The following ELFN2 variants were observed in gnomAD, a reference collection of about 807,000 sequenced individuals.
The protein encoded by ELFN2 is protein phosphatase 1 regulatory subunit 29.
A neutral mutation model predicts 45.5 loss-of-function variants in ELFN2; 17 were observed. That is an observed-to-expected ratio of 0.37 (90% CI 0.26 to 0.56). ELFN2 has a LOEUF of 0.56. Among genes scored for constraint, ELFN2 ranks in the 20% least tolerant of loss-of-function variants. ELFN2 has a pLI of 0.77. For synonymous variants in ELFN2, 550 were observed against 551.5 expected (o/e 1.00, Z 0.04); for missense variants, 922 against 1,183.2 (o/e 0.78, Z 3.24).
At chr22:37,397,588 C>T (rs1326212717) in intron 2 of ELFN2, among the ~76,000 whole-genome samples, 2 of 152,172 alleles carry the variant, frequency 1.3e-5, no homozygotes, top group East Asian at 1.9e-4. Flanking sequence ...CTGGAAGCCT[C>T]GCCTAGACCC....
chr22:37,374,188 G>A lies in ELFN2; in HGVS notation c.1347C>T (p.Ala449=), dbSNP rs755815695. The A allele has an allele frequency of 1.5e-5, 25 of 1,613,334 alleles. No individual in the cohort carries two copies. Among genetic ancestry groups the A allele is most frequent in the Middle Eastern group, 1.6e-4 (1 of 6,084 alleles). The part of the protein sequence containing the change: ...LEMRYGADVD[A]GSIVHAAQKL... ...TCTGGGCGGCGTGCACAATGGAGCCGGCATCCACATCAGCCCCGTAGCGCA... is the reference window on the plus strand; with the variant it reads ...TCTGGGCGGCGTGCACAATGGAGCCAGCATCCACATCAGCCCCGTAGCGCA... The change falls in exon 3 of 3, where the codon GCC becomes GCT. Residue 449 remains alanine (A), a synonymous_variant. Coordinates refer to ENST00000402918, the MANE Select transcript of ELFN2 (RefSeq NM_052906.5).
chr22:37,373,579 G>A lies in ELFN2; in HGVS notation c.1956C>T (p.Ala652=), dbSNP rs530354480. Residue 652 remains alanine, a synonymous_variant, in exon 3 of 3, where the codon GCC becomes GCT. Coordinates refer to ENST00000402918, the MANE Select transcript of ELFN2 (RefSeq NM_052906.5). ...AGTCGCCCTTAGCCAGCCCTGTGGC[G>A]GCCGGATGGTCGGGCACGTCCAGGC... ...VFSLDVPDHP[A]ATGLAKGDSK... is the part of the protein sequence containing the mutation. The A allele has an allele frequency of 6.2e-6, 10 of 1,606,296 alleles. No homozygotes were observed. The highest frequency in any genetic ancestry group is 3.4e-5 in the Admixed American group (2 of 59,294).
intron 2 of ELFN2, among the ~76,000 whole-genome samples, chr22:37,407,011 C>T (rs780177956): frequency 1.3e-5 from 2 of 152,238 alleles, no homozygotes; most frequent in Admixed American, 6.5e-5. Flanking sequence ...AGGCATGCAG[C>T]CCATGGCCTT....
intron 1 of ELFN2, among the ~76,000 whole-genome samples, chr22:37,425,504 CCCG>C (rs1932840912): frequency 6.6e-6 from 1 of 152,194 alleles, no homozygotes; most frequent in South Asian, 2.1e-4. Flanking sequence ...CACACACACT[CCCG>C]TGACATCACA....
chr22:37,392,318 C>CTTT (rs1285741986), intron 2 of ELFN2, among the ~76,000 whole-genome samples: 27 of 131,172 alleles, frequency 2.1e-4, no homozygotes, highest in African/African-American at 3.7e-4. Flanking sequence ...GTTGGATTCT[C>CTTT]TTTTTTTTTT....
At chr22:37,398,666 T>C (rs921895543) in intron 2 of ELFN2, among the ~76,000 whole-genome samples, 1 of 152,136 alleles carries the variant, frequency 6.6e-6, no homozygotes, top group Non-Finnish European at 1.5e-5. Context: ...CCCCTCATGA[T>C]CTGGCTTGGC....
At chr22:37,408,905 T>A (rs980905515) in intron 2 of ELFN2, among the ~76,000 whole-genome samples, 8 of 152,166 alleles carry the variant, frequency 5.3e-5, no homozygotes. Flanking sequence ...GGTGTGTTGA[T>A]ATAAGGAAGA....
At chr22:37,378,500 T>C (rs9610723) in intron 2 of ELFN2, among the ~76,000 whole-genome samples, 120,263 of 152,192 alleles carry the variant, frequency 0.79, 47,870 homozygotes, top group African/African-American at 0.89. Flanking sequence ...AAGAGGCCCA[T>C]GTGGGAGGGG....
chr22:37,374,293 G>C lies in ELFN2; in HGVS notation c.1242C>G (p.Ala414=). 6.2e-7 allele frequency: 1 copy of C among 1,613,848 alleles called. No homozygotes were observed. Among genetic ancestry groups the C allele is most frequent in the Non-Finnish European group, 8.5e-7 (1 of 1,179,916 alleles). The change falls in exon 3 of 3, where the codon GCC becomes GCG. Residue 414 remains alanine, a synonymous_variant. Transcript: ENST00000402918. ...GCCGCTTGCGCAGGCAGTAGTACAC[G>C]GCTCCCAGCACGATAACCATGCCAA... ...CLFGMVIVLG[A]VYYCLRKRRM...
At chr22:37,391,330 A>G (rs1205960254) in intron 2 of ELFN2, among the ~76,000 whole-genome samples, 1 of 151,946 alleles carries the variant, frequency 6.6e-6, no homozygotes, top group Non-Finnish European at 1.5e-5. Flanking sequence ...CACCCTGTAA[A>G]CCCAGGGCCC....
chr22:37,376,652 C>T (rs1425257253), intron 2 of ELFN2, among the ~76,000 whole-genome samples: 1 of 152,222 alleles, frequency 6.6e-6, no homozygotes, highest in Non-Finnish European at 1.5e-5. Flanking sequence ...CTGTGGGGCC[C>T]CCCAAGCAGA....
At chr22:37,398,156 C>T (rs996295464) in intron 2 of ELFN2, among the ~76,000 whole-genome samples, 2 of 152,178 alleles carry the variant, frequency 1.3e-5, no homozygotes, top group South Asian at 2.1e-4. Flanking sequence ...CAGGGTCAAA[C>T]GCCTTACCCA....
chr22:37,368,535 G>C lies in ELFN2; in HGVS notation c.*4537C>G, dbSNP rs762820871. The C allele has an allele frequency of 1.3e-5, 2 of 152,314 alleles. No homozygotes were observed. The highest frequency in any genetic ancestry group is 2.9e-5 in the Non-Finnish European group (2 of 68,084). 9.4% of individuals were successfully genotyped at this position (152,314 alleles called of 1,614,324 possible). On this transcript the variant is annotated 3_prime_UTR_variant, in exon 3 of 3. Coordinates refer to ENST00000402918, the MANE Select transcript of ELFN2 (RefSeq NM_052906.5). ...TTTTGTCTTAGAAGGGGCACCCAGG[G>C]TCAGGGAAGGAGTGTGTCAGGATGG...
At chr22:37,382,628 C>A (rs1163982360) in intron 2 of ELFN2, among the ~76,000 whole-genome samples, 2 of 148,276 alleles carry the variant, frequency 1.3e-5, no homozygotes, top group African/African-American at 5.0e-5. Context: ...CGGCTCACTG[C>A]AACCTCTGCC....
At position 37,373,706 on chromosome 22, in the gene ELFN2, G is replaced by C. The variant is rs1183760208; in HGVS notation, c.1829C>G (p.Ser610Cys). Residue 610 changes from serine (S) to cysteine (C), a missense_variant, in exon 3 of 3, where the codon TCC (serine) becomes TGC (cysteine). Transcript: ENST00000402918. ...SFLSPPYKES[S>C]HHPLQRQLSA... ...CAGCTGGCGCTGTAGTGGGTGGTGG[G>C]AGCTCTCCTTGTAGGGAGGCGAAAG... 1.3e-6 allele frequency: 2 copies of C among 1,555,546 alleles called. No homozygotes were observed. Among genetic ancestry groups the C allele is most frequent in the South Asian group, 1.2e-5 (1 of 81,216 alleles).
intron 1 of ELFN2, among the ~76,000 whole-genome samples, chr22:37,361,102 G>A (rs1359464462): frequency 6.6e-6 from 1 of 152,174 alleles, no homozygotes; most frequent in Non-Finnish European, 1.5e-5. Context: ...CCCAGAGACA[G>A]AGGTGCTGTC....
chr22:37,420,990 T>A lies in ELFN2; in HGVS notation c.-613-3071A>T, dbSNP rs557029081. Among the ~76,000 whole-genome samples the A allele has an allele frequency of 7.2e-5, 11 of 152,296 alleles. No homozygotes were observed. In the South Asian group the frequency reaches 1.4e-3, roughly 20 times the overall value. On this transcript the variant is annotated intron_variant, in intron 1 of 2. Transcript: ENST00000402918. The stretch of plus-strand genomic sequence containing the variant: ...GAGTGAATTAATCTTCGGGAAAGCA[T>A]TAAAATTGCAAGTTCCTGCAATTTT...
At chr22:37,393,487 C>A (rs1464302410) in intron 2 of ELFN2, among the ~76,000 whole-genome samples, 2 of 152,162 alleles carry the variant, frequency 1.3e-5, no homozygotes, top group African/African-American at 4.8e-5. Flanking sequence ...CAACTGACAC[C>A]CCCCACCAGT....
chr22:37,412,835 C>G (rs1932681262), intron 2 of ELFN2, among the ~76,000 whole-genome samples: 1 of 152,232 alleles, frequency 6.6e-6, no homozygotes, highest in Admixed American at 6.5e-5. Flanking sequence ...GAGCCCGGCA[C>G]TCTAAGCTCA....
Sources: allele counts gnomAD v4.1 joint callset (sites outside exome capture counted in the v4.1 genomes callset), GRCh38; gene constraint gnomAD v4.1.1; transcripts MANE v1.5; gene names NCBI Gene and HGNC (gene_info 2026-07-23, HGNC 2026-07-21).